SGCZ: variants seen among roughly 807,000 people sequenced by gnomAD.
SGCZ encodes the protein sarcoglycan zeta.
Under a neutral mutation model 41.3 loss-of-function variants are expected in SGCZ, and 40 were observed. That is an observed-to-expected ratio of 0.97 (90% CI 0.75 to 1.26). SGCZ has a LOEUF of 1.26. SGCZ is among the 50% of genes most tolerant of loss of function. The pLI is 0.00. For missense variants in SGCZ, 552 were observed against 369.8 expected, an observed-to-expected ratio of 1.49 and a Z score of -4.04; for synonymous variants, 206 against 137.5, an observed-to-expected ratio of 1.50 and a Z score of -3.49.
At chr8:14,567,461 G>C (rs1018547004) in intron 1 of SGCZ, among the ~76,000 whole-genome samples, 5 of 152,150 alleles carry the variant, frequency 3.3e-5, no homozygotes, top group African/African-American at 7.2e-5. Flanking sequence ...GTCTGGCTCA[G>C]GGATTGTAAA....
intron 2 of SGCZ, among the ~76,000 whole-genome samples, chr8:14,421,388 T>C (rs1799633014): frequency 6.6e-6 from 1 of 152,126 alleles, no homozygotes; most frequent in South Asian, 2.1e-4. Context: ...AATCACTGTT[T>C]TTGTAAAATG....
At chr8:14,438,309 G>A (rs1319534100) in intron 2 of SGCZ, among the ~76,000 whole-genome samples, 1 of 151,872 alleles carries the variant, frequency 6.6e-6, no homozygotes, top group Non-Finnish European at 1.5e-5. Flanking sequence ...TCAATAGAGT[G>A]TATTTATCAC....
intron 5 of SGCZ, among the ~76,000 whole-genome samples, chr8:14,161,651 G>A (rs1175898430): frequency 6.6e-6 from 1 of 152,100 alleles, no homozygotes; most frequent in East Asian, 1.9e-4. Context: ...ACAATAATCT[G>A]CTTGTAATTT....
intron 2 of SGCZ, among the ~76,000 whole-genome samples, chr8:14,330,839 C>T (rs951562009): frequency 6.6e-6 from 1 of 151,556 alleles, no homozygotes; most frequent in Non-Finnish European, 1.5e-5. Context: ...ATAGATGTAT[C>T]GATTAAAAAT....
At chr8:14,153,456 C>A (rs931673466) in intron 5 of SGCZ, among the ~76,000 whole-genome samples, 1 of 152,006 alleles carries the variant, frequency 6.6e-6, no homozygotes, top group Non-Finnish European at 1.5e-5. Context: ...ATTGGGAGTG[C>A]GATTCTATTG....
chr8:14,713,852 C>G (rs1275384386), intron 1 of SGCZ, among the ~76,000 whole-genome samples: 1 of 152,054 alleles, frequency 6.6e-6, no homozygotes, highest in Non-Finnish European at 1.5e-5. Context: ...ACATCCCTGA[C>G]TTATGATGAT....
At chr8:14,191,972 A>T (rs969783571) in intron 4 of SGCZ, among the ~76,000 whole-genome samples, 4 of 152,158 alleles carry the variant, frequency 2.6e-5, no homozygotes, top group African/African-American at 9.6e-5. Flanking sequence ...AAGCTCAAAG[A>T]AGATATTTCT....
At chr8:14,846,411 T>C (rs1156597640) in intron 1 of SGCZ, among the ~76,000 whole-genome samples, 14 of 151,904 alleles carry the variant, frequency 9.2e-5, no homozygotes, top group Admixed American at 9.2e-4. Flanking sequence ...TCTGAATAGA[T>C]AAGTTAACGT....
intron 2 of SGCZ, among the ~76,000 whole-genome samples, chr8:14,337,555 C>T (rs1802547498): frequency 6.6e-6 from 1 of 151,920 alleles, no homozygotes; most frequent in Non-Finnish European, 1.5e-5. Flanking sequence ...AAGTGATGAC[C>T]CAGTTAAGTC....
At chr8:14,257,960 A>G (rs1251008145) in intron 3 of SGCZ, among the ~76,000 whole-genome samples, 1 of 152,210 alleles carries the variant, frequency 6.6e-6, no homozygotes, top group Non-Finnish European at 1.5e-5. Flanking sequence ...TCAATAAATG[A>G]ACAATTTGCT....
chr8:14,108,703 C>G (rs1802283628), intron 5 of SGCZ, among the ~76,000 whole-genome samples: 1 of 152,042 alleles, frequency 6.6e-6, no homozygotes, highest in African/African-American at 2.4e-5. Context: ...CAGAGCCAAA[C>G]CGTATCACAG....
At chr8:14,174,754 T>A (rs1804492428) in intron 4 of SGCZ, among the ~76,000 whole-genome samples, 1 of 152,068 alleles carries the variant, frequency 6.6e-6, no homozygotes, top group African/African-American at 2.4e-5. Flanking sequence ...AAGACCACAG[T>A]CTGGGTGGCT....
At chr8:14,286,026 A>G (rs993627721) in intron 3 of SGCZ, among the ~76,000 whole-genome samples, 8 of 152,016 alleles carry the variant, frequency 5.3e-5, no homozygotes, top group Admixed American at 3.9e-4. Flanking sequence ...ACTAATAGGA[A>G]CTATTTATTT....
Position 14,833,300 on chromosome 8 carries a change from A to G in SGCZ, c.40-278374T>C, listed in dbSNP as rs534957207. Among the ~76,000 whole-genome samples, 35 of 152,280 alleles carry G rather than the reference A, an allele frequency of 2.3e-4. No homozygotes were observed. In the South Asian group the frequency reaches 6.8e-3, roughly 30 times the overall value. On this transcript the variant is annotated intron_variant, in intron 1 of 7. Coordinates refer to ENST00000382080, the MANE Select transcript of SGCZ (RefSeq NM_139167.4). Reference sequence around the variant, plus strand: ...CTACAGAGAGTCATATGTGAGTAAAATGGAGGCTGTTGTCAACTGGAAAGA... The same window carrying G: ...CTACAGAGAGTCATATGTGAGTAAAGTGGAGGCTGTTGTCAACTGGAAAGA...
chr8:14,420,148 C>T (rs931267614), intron 2 of SGCZ, among the ~76,000 whole-genome samples: 13 of 151,838 alleles, frequency 8.6e-5, no homozygotes, highest in African/African-American at 2.7e-4. Flanking sequence ...GATTCTTGTC[C>T]TATAATAATT....
intron 3 of SGCZ, among the ~76,000 whole-genome samples, chr8:14,309,946 CTG>C (rs1431269662): frequency 1.3e-5 from 2 of 151,944 alleles, no homozygotes; most frequent in Non-Finnish European, 2.9e-5. Context: ...CTGGCCCACT[CTG>C]TAATAGTTCA....
At chr8:14,228,829 G>C (rs1352197055) in intron 4 of SGCZ, among the ~76,000 whole-genome samples, 2 of 152,052 alleles carry the variant, frequency 1.3e-5, no homozygotes, top group East Asian at 3.9e-4. Context: ...TGTATATTTT[G>C]TCTGGAAAAG....
chr8:15,123,232 A>G (rs977123551), intron 1 of SGCZ, among the ~76,000 whole-genome samples: 15 of 152,282 alleles, frequency 9.9e-5, no homozygotes, highest in African/African-American at 3.6e-4. Flanking sequence ...CTTCAAAATA[A>G]AACAACCAGT....
intron 1 of SGCZ, among the ~76,000 whole-genome samples, chr8:15,119,140 ACT>A (rs1807384459): frequency 6.6e-6 from 1 of 152,132 alleles, no homozygotes; most frequent in African/African-American, 2.4e-5. Context: ...CATTTGTTAG[ACT>A]CTAAAGAAAA....
Sources: allele counts gnomAD v4.1 joint callset (sites outside exome capture counted in the v4.1 genomes callset), GRCh38; gene constraint gnomAD v4.1.1; transcripts MANE v1.5; gene names NCBI Gene and HGNC (gene_info 2026-07-23, HGNC 2026-07-21).